Variants in CDH18 observed in about 807,000 individuals in gnomAD.
CDH18 encodes the protein cadherin 18.
CDH18 carries 31 observed loss-of-function variants against 67.9 expected under a neutral mutation model. The observed-to-expected ratio is 0.46, with a 90% CI of 0.34 to 0.62. The LOEUF (loss-of-function observed/expected upper bound fraction) is 0.62, where lower values mean the gene tolerates loss of function less well. Ranked by LOEUF, CDH18 falls within the 20% of genes least tolerant of loss-of-function variation. CDH18 has a pLI of 0.01. For synonymous variants in CDH18, 362 were observed against 347.2 expected (o/e 1.04, Z -0.48); for missense variants, 890 against 975.5 (o/e 0.91, Z 1.17).
intron 2 of CDH18, among the ~76,000 whole-genome samples, chr5:20,169,232 A>G (rs1000240563): frequency 1.3e-5 from 2 of 152,126 alleles, no homozygotes; most frequent in Admixed American, 1.3e-4. Flanking sequence ...CTGTATCAAT[A>G]CATCTCATGT....
rs1737833280 is a variant in CDH18, at chr5:20,319,848, TGTATG to T, written c.-579-64348_-579-64344del. On this transcript the variant is annotated intron_variant, in intron 1 of 14. Transcript: ENST00000507958. ...ACTAATCATTTCTGGGGAGAGTCAC[TGTATG>T]CAGCTCCGTCTCCCACTCCTGGTTT... 3.3e-5 allele frequency among the ~76,000 whole-genome samples: 5 copies of T among 152,202 alleles called. 1 individual carries two copies. The East Asian group carries it at 7.7e-4, about 23-fold the overall frequency.
chr5:20,218,520 T>A (rs1345176531), intron 2 of CDH18, among the ~76,000 whole-genome samples: 1 of 152,146 alleles, frequency 6.6e-6, no homozygotes, highest in East Asian at 1.9e-4. Flanking sequence ...TTAAGAGCAG[T>A]TGATATGCTT....
At chr5:19,514,564 T>G (rs1241936619) in intron 10 of CDH18, among the ~76,000 whole-genome samples, 1 of 152,238 alleles carries the variant, frequency 6.6e-6, no homozygotes, top group East Asian at 1.9e-4. Flanking sequence ...GGTATCTCAT[T>G]GCTGTTTTGA....
intron 7 of CDH18, among the ~76,000 whole-genome samples, chr5:19,580,056 T>C (rs1742984251): frequency 6.6e-6 from 1 of 151,878 alleles, no homozygotes; most frequent in Non-Finnish European, 1.5e-5. Flanking sequence ...ATTATACATA[T>C]TTACGGGGTA....
intron 1 of CDH18, among the ~76,000 whole-genome samples, chr5:20,434,510 G>A (rs1250766537): frequency 2.6e-5 from 4 of 151,934 alleles, no homozygotes; most frequent in African/African-American, 7.2e-5. Flanking sequence ...GTAACTGGAA[G>A]GATTCACCCG....
intron 7 of CDH18, among the ~76,000 whole-genome samples, chr5:19,580,365 A>G (rs1325789989): frequency 6.6e-6 from 1 of 151,884 alleles, no homozygotes; most frequent in Non-Finnish European, 1.5e-5. Context: ...AACAGTTGGT[A>G]TGGGCTGACA....
chr5:20,424,171 G>A lies in CDH18; in HGVS notation c.-580+151291C>T, dbSNP rs906720264. Among the ~76,000 whole-genome samples the A allele has an allele frequency of 4.0e-5, 6 of 150,528 alleles. 1 individual carries two copies. The highest frequency in any genetic ancestry group is 1.5e-4 in the African/African-American group (6 of 40,150). On this transcript the variant is annotated intron_variant, in intron 1 of 14. Transcript: ENST00000507958. ...GAAAAAAGTAATAATTCTTAATAAGGAATTTTTATTCAGGATTGAAGACAA... is the reference window on the plus strand; with the variant it reads ...GAAAAAAGTAATAATTCTTAATAAGAAATTTTTATTCAGGATTGAAGACAA...
At chr5:19,594,700 C>T (rs1745882343) in intron 6 of CDH18, among the ~76,000 whole-genome samples, 1 of 152,090 alleles carries the variant, frequency 6.6e-6, no homozygotes, top group South Asian at 2.1e-4. Flanking sequence ...GGGCCTTTGT[C>T]TTTCCACATA....
In CDH18 at chr5:19,839,219, T is replaced by C. The variant is rs1581586910; in HGVS notation, c.-233A>G. 11 of 482,150 alleles carry C rather than the reference T, an allele frequency of 2.3e-5. No homozygotes were observed. The East Asian group carries it at 3.7e-4, about 16-fold the overall frequency. The allele number at this position is 482,150 out of a possible 1,614,324, so 29.9% of individuals were successfully genotyped here. A position where few individuals can be genotyped will look rare whatever the true frequency, so the allele number is the denominator to read the frequency against. On this transcript the variant is annotated 5_prime_UTR_variant, in exon 3 of 13. Coordinates refer to ENST00000382275, the MANE Select transcript of CDH18 (RefSeq NM_004934.5). ...TCTGATTCCAACTCTTCACAGTAGT[T>C]GAACACAAGCAACCATTTTCAACCT...
At chr5:19,583,857 G>T (rs1016360358) in intron 7 of CDH18, among the ~76,000 whole-genome samples, 1 of 152,080 alleles carries the variant, frequency 6.6e-6, no homozygotes, top group Non-Finnish European at 1.5e-5. Context: ...TTACAGTAAG[G>T]TTATATCTTC....
chr5:20,548,945 A>T (rs1202225650), intron 1 of CDH18, among the ~76,000 whole-genome samples: 2 of 152,124 alleles, frequency 1.3e-5, no homozygotes, highest in African/African-American at 4.8e-5. Context: ...ATTGAATATG[A>T]TGGAACATAT....
intron 2 of CDH18, among the ~76,000 whole-genome samples, chr5:19,936,260 T>C (rs1794246659): frequency 6.6e-6 from 1 of 151,418 alleles, no homozygotes; most frequent in African/African-American, 2.4e-5. Context: ...AGCCTGTTTT[T>C]GTTTTAGCTT....
chr5:19,511,417 A>G (rs1745089947), intron 10 of CDH18, among the ~76,000 whole-genome samples: 1 of 152,162 alleles, frequency 6.6e-6, no homozygotes, highest in Non-Finnish European at 1.5e-5. Context: ...TAAGAGGCAG[A>G]GGTTGGAACA....
intron 2 of CDH18, among the ~76,000 whole-genome samples, chr5:20,105,762 G>C (rs1384143929): frequency 1.3e-5 from 2 of 152,148 alleles, no homozygotes; most frequent in Non-Finnish European, 1.5e-5. Context: ...ACCTTTTAAA[G>C]GCTGAATGAC....
chr5:19,994,258 T>TAC (rs1561694962), intron 2 of CDH18, among the ~76,000 whole-genome samples: 2 of 148,184 alleles, frequency 1.3e-5, no homozygotes, highest in East Asian at 4.3e-4. Context: ...TACACATATA[T>TAC]ACACATATAT....
chr5:20,228,593 T>G (rs548941166), intron 2 of CDH18, among the ~76,000 whole-genome samples: 4 of 152,182 alleles, frequency 2.6e-5, no homozygotes, highest in Non-Finnish European at 5.9e-5. Context: ...AACTGAAATT[T>G]TGTGTTCTAT....
At chr5:19,516,766 T>C (rs1746081650) in intron 10 of CDH18, among the ~76,000 whole-genome samples, 1 of 151,834 alleles carries the variant, frequency 6.6e-6, no homozygotes, top group African/African-American at 2.4e-5. Context: ...TTGCTAGTGG[T>C]CTCTCAATTT....
At chr5:19,802,878 T>C (rs62355768) in intron 3 of CDH18, among the ~76,000 whole-genome samples, 9,054 of 152,318 alleles carry the variant, frequency 0.059, 314 homozygotes, top group Non-Finnish European at 0.076. Context: ...AGTTTAAGTC[T>C]GGTGACGGAA....
At chr5:19,754,028 T>A (rs1175144199) in intron 3 of CDH18, among the ~76,000 whole-genome samples, 1 of 152,092 alleles carries the variant, frequency 6.6e-6, no homozygotes. Flanking sequence ...GGAACCTTTT[T>A]AAGCATAAAT....
Sources: allele counts gnomAD v4.1 joint callset (sites outside exome capture counted in the v4.1 genomes callset), GRCh38; gene constraint gnomAD v4.1.1; transcripts MANE v1.5; gene names NCBI Gene and HGNC (gene_info 2026-07-23, HGNC 2026-07-21).